CCDC171: variants seen among roughly 807,000 people sequenced by gnomAD.
CCDC171 encodes the protein coiled-coil domain containing 171, also known as coiled-coil domain-containing protein 171.
A neutral mutation model predicts 168.2 loss-of-function variants in CCDC171; 177 were observed. The ratio of observed to expected loss-of-function variants is 1.05; its 90% CI spans 0.93 to 1.19. CCDC171 has a LOEUF of 1.19. Ranked by LOEUF, CCDC171 falls within the 50% of genes most tolerant of loss-of-function variation. The pLI, the probability that CCDC171 is intolerant of heterozygous loss-of-function variation, is 0.00. For missense variants in CCDC171, 1,991 were observed against 1,539.0 expected (o/e 1.29, Z -4.91); for synonymous variants, 687 against 540.8 (o/e 1.27, Z -3.75).
chr9:15,801,124 A>AT (rs796619836), intron 21 of CCDC171, among the ~76,000 whole-genome samples: 2,633 of 148,380 alleles, frequency 0.018, 93 homozygotes, highest in African/African-American at 0.061. Context: ...AAATTTTAGG[A>AT]TTTTTTTTTT....
intron 21 of CCDC171, among the ~76,000 whole-genome samples, chr9:15,793,551 G>GTTTTTTTTTTTTTTTT (rs3082839): frequency 2.6e-5 from 2 of 77,060 alleles, no homozygotes; most frequent in African/African-American, 1.3e-4. Flanking sequence ...TTATTCCAAG[G>GTTTTTTTTTTTTTTTT]TTTTTTTTTT....
intron 21 of CCDC171, among the ~76,000 whole-genome samples, chr9:15,822,093 T>C (rs1486097976): frequency 2.0e-5 from 3 of 152,232 alleles, no homozygotes; most frequent in Non-Finnish European, 4.4e-5. Context: ...AAGGATTCCC[T>C]ATTTAATAAA....
intron 10 of CCDC171, among the ~76,000 whole-genome samples, chr9:15,682,293 C>T (rs2133486461): frequency 6.6e-6 from 1 of 152,008 alleles, no homozygotes; most frequent in East Asian, 1.9e-4. Flanking sequence ...TCATCTAGCC[C>T]AGGATACAGA....
chr9:16,057,409 G>A (rs1162114633), intron 1 of CCDC171, among the ~76,000 whole-genome samples: 1 of 152,172 alleles, frequency 6.6e-6, no homozygotes, highest in African/African-American at 2.4e-5. Context: ...AGATGTGCTG[G>A]TTTTGGTTAA....
chr9:15,596,761 T>G (rs2042397864), intron 6 of CCDC171, among the ~76,000 whole-genome samples: 1 of 152,096 alleles, frequency 6.6e-6, no homozygotes, highest in Non-Finnish European at 1.5e-5. Context: ...ACGATATTGA[T>G]TCTTCCTACC....
At chr9:15,905,091 C>G (rs919370026) in intron 24 of CCDC171, among the ~76,000 whole-genome samples, 6 of 152,212 alleles carry the variant, frequency 3.9e-5, no homozygotes, top group Non-Finnish European at 7.3e-5. Context: ...TAACACCCCA[C>G]TGTCAACATT....
chr9:15,992,017 C>G (rs1832217171), intron 3 of CCDC171, among the ~76,000 whole-genome samples: 1 of 152,196 alleles, frequency 6.6e-6, no homozygotes, highest in South Asian at 2.1e-4. Flanking sequence ...GGAGCTGGCT[C>G]CATTCCTTCT....
At chr9:16,025,183 T>C (rs1487784190) in intron 6 of CCDC171, among the ~76,000 whole-genome samples, 2 of 152,346 alleles carry the variant, frequency 1.3e-5, no homozygotes, top group East Asian at 3.9e-4. Flanking sequence ...GGCTCACACC[T>C]GTAATCTCAG....
At chr9:16,091,899 G>C in the CCDC171 span, among the ~76,000 whole-genome samples, 1 of 152,210 alleles carries the variant, frequency 6.6e-6, no homozygotes, top group Non-Finnish European at 1.5e-5. Flanking sequence ...ATGTGAGTGA[G>C]TCATCACTTT....
chr9:15,664,190 A>G (rs1384196804), intron 8 of CCDC171, among the ~76,000 whole-genome samples: 1 of 152,162 alleles, frequency 6.6e-6, no homozygotes, highest in Admixed American at 6.5e-5. Context: ...TGGTTACACT[A>G]AAAATCCAGA....
chr9:15,781,481 G>A (rs374075023), intron 20 of CCDC171, among the ~76,000 whole-genome samples: 2 of 152,060 alleles, frequency 1.3e-5, no homozygotes, highest in Non-Finnish European at 2.9e-5. Context: ...GCAGTGGTAC[G>A]ATCTCAGCTC....
intron 23 of CCDC171, among the ~76,000 whole-genome samples, chr9:15,862,094 A>G (rs1194474248): frequency 6.6e-6 from 1 of 151,426 alleles, no homozygotes; most frequent in African/African-American, 2.4e-5. Context: ...GAGCTGAAAA[A>G]GTCAATTGAT....
At chr9:15,599,014 C>T (rs1173388742) in intron 6 of CCDC171, among the ~76,000 whole-genome samples, 2 of 152,112 alleles carry the variant, frequency 1.3e-5, no homozygotes, top group African/African-American at 4.8e-5. Context: ...GATCTTCCTC[C>T]ATCGCTTTAT....
chr9:15,814,428 G>C (rs530288359), intron 21 of CCDC171, among the ~76,000 whole-genome samples: 64 of 152,258 alleles, frequency 4.2e-4, no homozygotes, highest in East Asian at 9.6e-4. Context: ...TTTAGGAAAT[G>C]ATAGTAATTT....
intron 25 of CCDC171, among the ~76,000 whole-genome samples, chr9:15,947,416 G>A (rs930060560): frequency 2.0e-5 from 3 of 151,646 alleles, no homozygotes; most frequent in African/African-American, 4.8e-5. Context: ...TTATTTTGAC[G>A]ACTCTAAGTA....
At chr9:15,661,838 A>G (rs931253207) in intron 8 of CCDC171, among the ~76,000 whole-genome samples, 2 of 152,268 alleles carry the variant, frequency 1.3e-5, no homozygotes, top group African/African-American at 4.8e-5. Context: ...GTAGACAAGA[A>G]GAAAATATTC....
chr9:16,042,669 A>G (rs932615401), upstream of CCDC171: 3 of 152,200 alleles, frequency 2.0e-5, no homozygotes, highest in Admixed American at 6.5e-5. Context: ...CAAGCTAGCA[A>G]TGATATGGGG....
rs146331123 is a variant in CCDC171, at chr9:16,019,889, A to G, written n.369-700A>G. Among the ~76,000 whole-genome samples the G allele has an allele frequency of 2.4e-3, 361 of 152,334 alleles. 2 individuals carry two copies. The highest frequency in any genetic ancestry group is 8.4e-3 in the African/African-American group (348 of 41,570). ...CTTCTGGGCAGCAGGGAAGTTATCA[A>G]TAGGCTCTGGCACTGAAAATTCTCT... On this transcript the variant is annotated intron_variant and non_coding_transcript_variant, in intron 3 of 9. Coordinates refer to the CCDC171 transcript ENST00000486641.
chr9:16,025,107 AG>A (rs1293887541), intron 6 of CCDC171, among the ~76,000 whole-genome samples: 1 of 152,236 alleles, frequency 6.6e-6, no homozygotes, highest in Admixed American at 6.5e-5. Context: ...TTCATTCCTA[AG>A]GGTATGCCCC....
Sources: allele counts gnomAD v4.1 joint callset (sites outside exome capture counted in the v4.1 genomes callset), GRCh38; gene constraint gnomAD v4.1.1; transcripts MANE v1.5; gene names NCBI Gene and HGNC (gene_info 2026-07-23, HGNC 2026-07-21).